Variants in GLIS1 observed in about 807,000 individuals in gnomAD.
The protein encoded by GLIS1 is zinc finger protein GLIS1.
GLIS1 carries 24 observed loss-of-function variants against 63.8 expected under a neutral mutation model. That is an observed-to-expected ratio of 0.38 (90% CI 0.27 to 0.53). The LOEUF (loss-of-function observed/expected upper bound fraction) is 0.53, where lower values mean the gene tolerates loss of function less well. Ranked by LOEUF, GLIS1 falls within the 20% of genes least tolerant of loss-of-function variation. The pLI is 0.85. For missense variants in GLIS1, 1,036 were observed against 1,074.1 expected (o/e 0.96, Z 0.50); for synonymous variants, 450 against 482.5 (o/e 0.93, Z 0.88).
chr1:53,658,794 C>T (rs1219607616), intron 2 of GLIS1, among the ~76,000 whole-genome samples: 1 of 152,202 alleles, frequency 6.6e-6, no homozygotes, highest in African/African-American at 2.4e-5. Flanking sequence ...CAAGGGTCAG[C>T]TTGTCCTCTA....
At chr1:53,629,888 A>T (rs1645633989) in intron 2 of GLIS1, among the ~76,000 whole-genome samples, 1 of 152,190 alleles carries the variant, frequency 6.6e-6, no homozygotes, top group Non-Finnish European at 1.5e-5. Context: ...GCCATTCAAT[A>T]TGGAAATGCC....
At chr1:53,676,712 C>G (rs1646216577) in intron 2 of GLIS1, among the ~76,000 whole-genome samples, 1 of 152,168 alleles carries the variant, frequency 6.6e-6, no homozygotes, top group Non-Finnish European at 1.5e-5. Context: ...AGCCTTCCAG[C>G]TTTTCACGTG....
chr1:53,526,791 T>C lies in GLIS1; in HGVS notation c.1483-1904A>G, dbSNP rs552460581. Among the ~76,000 whole-genome samples, 1 of 152,358 alleles carries C rather than the reference T, an allele frequency of 6.6e-6. No individual in the cohort carries two copies. The highest frequency in any genetic ancestry group is 1.9e-4 in the East Asian group (1 of 5,180). ...CGGGCGGCAAGGCCCATCTCTGTGT[T>C]TGTTTTTCCAGGGCCTGACATGTGT... On this transcript the variant is annotated intron_variant, in intron 5 of 10. Coordinates refer to ENST00000628545, the MANE Select transcript of GLIS1 (RefSeq NM_001367484.1). This position sits in a 1 kb window ranked among gnomAD's most constrained non-coding sequence, Gnocchi z 4.4.
chr1:53,696,589 A>G lies in GLIS1; in HGVS notation c.259+41217T>C, dbSNP rs1008713252. Among the ~76,000 whole-genome samples, 3 of 152,116 alleles carry G rather than the reference A, an allele frequency of 2.0e-5. No homozygotes were observed. In the East Asian group the frequency reaches 5.8e-4, roughly 29 times the overall value. On this transcript the variant is annotated intron_variant, in intron 2 of 10. Transcript: ENST00000628545. ...TGGCCCCCTCTACCTACAGGAAAAT[A>G]AATCAAACTCCCCCACCCTCACCCC... is the stretch of plus-strand genomic sequence containing the variant.
intron 4 of GLIS1, among the ~76,000 whole-genome samples, chr1:53,559,808 G>A (rs1472163314): frequency 6.6e-6 from 1 of 152,008 alleles, no homozygotes; most frequent in East Asian, 1.9e-4. Context: ...CTCACTGTCA[G>A]GTACACACTC....
chr1:53,703,501 T>C (rs530277120), intron 2 of GLIS1, among the ~76,000 whole-genome samples: 1 of 152,128 alleles, frequency 6.6e-6, no homozygotes, highest in South Asian at 2.1e-4. Context: ...TACCCAGGCA[T>C]GGTGATGTAC....
intron 2 of GLIS1, among the ~76,000 whole-genome samples, chr1:53,724,270 C>T (rs573959799): frequency 1.3e-5 from 2 of 152,292 alleles, no homozygotes; most frequent in African/African-American, 4.8e-5. Context: ...CAAATGAATA[C>T]ATTAAAGAAT....
At chr1:53,703,069 C>G (rs868597717) in intron 2 of GLIS1, among the ~76,000 whole-genome samples, 1 of 152,232 alleles carries the variant, frequency 6.6e-6, no homozygotes, top group Non-Finnish European at 1.5e-5. Flanking sequence ...GGCTTCAGCT[C>G]CTTGAGCCTC....
At chr1:53,544,994 C>A (rs1285764646) in intron 4 of GLIS1, among the ~76,000 whole-genome samples, 1 of 152,228 alleles carries the variant, frequency 6.6e-6, no homozygotes, top group Non-Finnish European at 1.5e-5. Flanking sequence ...CCCAAGGCTT[C>A]CCCTGCCACC....
intron 1 of GLIS1, among the ~76,000 whole-genome samples, chr1:53,738,832 C>T (rs536936215): frequency 6.6e-6 from 1 of 152,182 alleles, no homozygotes; most frequent in African/African-American, 2.4e-5. Context: ...GAGGCACGCC[C>T]GGGGACGGAC....
intron 2 of GLIS1, among the ~76,000 whole-genome samples, chr1:53,685,856 G>A (rs17109103): frequency 0.024 from 3,648 of 152,072 alleles, 145 homozygotes; most frequent in African/African-American, 0.083. Context: ...GCTGGGAGCC[G>A]CTGCCACTGT....
At chr1:53,634,191 T>C (rs1335165200) in intron 2 of GLIS1, among the ~76,000 whole-genome samples, 1 of 152,138 alleles carries the variant, frequency 6.6e-6, no homozygotes, top group Non-Finnish European at 1.5e-5. Context: ...TAGACATGTT[T>C]AGACACACAA....
At chr1:53,701,483 C>T (rs1248347107) in intron 2 of GLIS1, among the ~76,000 whole-genome samples, 1 of 152,196 alleles carries the variant, frequency 6.6e-6, no homozygotes. Flanking sequence ...ACTGAGAGTG[C>T]TCATGGCGTG....
rs74369121 is a variant in GLIS1, at chr1:53,560,454, G to A, written c.1321-30502C>T. Among the ~76,000 whole-genome samples, 306 of 152,294 alleles carry A rather than the reference G, an allele frequency of 2.0e-3. 1 individual carries two copies. Among genetic ancestry groups the A allele is most frequent in the African/African-American group, 7.2e-3 (300 of 41,556 alleles). ...CACTGGCAGACGGACAGTTCCGGTCGGGAGATATCTGGTCCACACACGGAG... is the reference window on the plus strand; with the variant it reads ...CACTGGCAGACGGACAGTTCCGGTCAGGAGATATCTGGTCCACACACGGAG... On this transcript the variant is annotated intron_variant, in intron 4 of 10. Coordinates refer to ENST00000628545, the MANE Select transcript of GLIS1 (RefSeq NM_001367484.1). This position sits in a 1 kb window ranked among gnomAD's most constrained non-coding sequence, Gnocchi z 4.4.
chr1:53,592,034 C>T (rs1645197141), intron 4 of GLIS1, among the ~76,000 whole-genome samples: 1 of 152,198 alleles, frequency 6.6e-6, no homozygotes, highest in Non-Finnish European at 1.5e-5. Context: ...GCATGAGTGT[C>T]CCCAGGGCAA....
intron 2 of GLIS1, among the ~76,000 whole-genome samples, chr1:53,676,298 C>T (rs1646211752): frequency 6.6e-6 from 1 of 152,190 alleles, no homozygotes; most frequent in Non-Finnish European, 1.5e-5. Context: ...CGTGGTTCCC[C>T]TCAAAGCTCT....
rs1194397742 is a variant in GLIS1, at chr1:53,598,238, CAGGTGTTCTTATA to C, written c.437+1850_437+1862del. ...AGGTTGAGGGCCTACTCTGATAGGACAGGTGTTCTTATAAGAAATGAGGGCCGGGCACGGTGGC... is the reference window on the plus strand; with the variant it reads ...AGGTTGAGGGCCTACTCTGATAGGACAGAAATGAGGGCCGGGCACGGTGGC... On this transcript the variant is annotated intron_variant, in intron 3 of 10. Coordinates refer to ENST00000628545, the MANE Select transcript of GLIS1 (RefSeq NM_001367484.1). The surrounding 1 kb of genome is among the most constrained non-coding windows in gnomAD (Gnocchi z 4.6). 2.0e-4 allele frequency among the ~76,000 whole-genome samples: 30 copies of C among 152,152 alleles called. No homozygotes were observed. Among genetic ancestry groups the C allele is most frequent in the African/African-American group, 7.0e-4 (29 of 41,434 alleles).
chr1:53,577,659 C>CATGGTGTCTGGGTAGGCTCTA (rs1258820200), intron 4 of GLIS1, among the ~76,000 whole-genome samples: 1 of 152,188 alleles, frequency 6.6e-6, no homozygotes, highest in Non-Finnish European at 1.5e-5. Context: ...AGGATCCCAT[C>CATGGTGTCTGGGTAGGCTCTA]ATGGTGTCTG....
intron 4 of GLIS1, among the ~76,000 whole-genome samples, chr1:53,566,408 T>C (rs1334641938): frequency 1.3e-5 from 2 of 152,194 alleles, no homozygotes; most frequent in African/African-American, 4.8e-5. Flanking sequence ...ACAAGGTTAG[T>C]ATATAAAAAT....
Sources: allele counts gnomAD v4.1 joint callset (sites outside exome capture counted in the v4.1 genomes callset), GRCh38; gene constraint gnomAD v4.1.1; non-coding constraint Gnocchi (gnomAD v3.1); transcripts MANE v1.5; gene names NCBI Gene and HGNC (gene_info 2026-07-23, HGNC 2026-07-21).